NF1: variants seen among roughly 807,000 people sequenced by gnomAD.
NF1 encodes neurofibromin 1.
In NF1, 122 loss-of-function variants were observed where a neutral mutation model predicts 325.7. The observed-to-expected ratio is 0.37, with a 90% CI of 0.32 to 0.44. The LOEUF is 0.44. Among genes scored for constraint, NF1 ranks in the 20% least tolerant of loss-of-function variants. The pLI is 1.00. For missense variants in NF1, 2,140 were observed against 3,415.4 expected (o/e 0.63, Z 9.31); for synonymous variants, 1,091 against 1,186.0 (o/e 0.92, Z 1.65).
chr17:31,331,723 T>A (rs981370855), intron 39 of NF1: 1 of 151,394 alleles, frequency 6.6e-6, no homozygotes, highest in Non-Finnish European at 1.5e-5. Context: ...GTTCTGCCTG[T>A]ATTTAAGAGT....
At chr17:31,235,229 A>G (rs540117898) in intron 27 of NF1, among the ~76,000 whole-genome samples, 6 of 152,278 alleles carry the variant, frequency 3.9e-5, no homozygotes, top group East Asian at 1.9e-4. Flanking sequence ...CTGATCATCA[A>G]TCTTATTTCT....
intron 1 of NF1, among the ~76,000 whole-genome samples, chr17:31,099,000 A>G (rs1473757707): frequency 6.6e-6 from 1 of 151,006 alleles, no homozygotes; most frequent in Non-Finnish European, 1.5e-5. Flanking sequence ...ATTTTGGATT[A>G]TATTATCTGT....
intron 29 of NF1, among the ~76,000 whole-genome samples, chr17:31,245,633 G>T (rs920847706): frequency 2.6e-5 from 4 of 152,102 alleles, no homozygotes; most frequent in African/African-American, 9.7e-5. Flanking sequence ...AAAGGATACA[G>T]ATGAACAGCC....
chr17:31,226,399 A>G (rs745454981), intron 17 of NF1, 36 bp from the exon 18 acceptor site: 1 of 1,607,074 alleles, frequency 6.2e-7, no homozygotes, highest in Non-Finnish European at 8.5e-7. Context: ...AAATTACCCA[A>G]GTTGCAAATA....
At chr17:31,263,125 A>AGATAGAT (rs78971065) in intron 35 of NF1, among the ~76,000 whole-genome samples, 62,677 of 142,780 alleles carry the variant, frequency 0.44, 15,417 homozygotes, top group Middle Eastern at 0.66. Context: ...ATAGATAGAT[A>AGATAGAT]AGATAAGATA....
chr17:31,107,881 T>C (rs1308628927), intron 1 of NF1, among the ~76,000 whole-genome samples: 1 of 152,004 alleles, frequency 6.6e-6, no homozygotes, highest in Non-Finnish European at 1.5e-5. Flanking sequence ...CTCACACCTG[T>C]AATCCCAGCA....
Position 31,358,958 on chromosome 17 carries a change from A to G in NF1, c.8114-11A>G, listed in dbSNP as rs1316433767. 4 of 1,612,490 alleles carry G rather than the reference A, an allele frequency of 2.5e-6. No individual in the cohort carries two copies. ...TTGCTTGTTATAAGAGTAAAATTTGATTTGTTGCAGGTTTTGGTTTTAATG... is the reference window on the plus strand; with the variant it reads ...TTGCTTGTTATAAGAGTAAAATTTGGTTTGTTGCAGGTTTTGGTTTTAATG... On this transcript the variant is annotated splice_polypyrimidine_tract_variant and intron_variant, in intron 55 of 57. Coordinates refer to ENST00000358273, the MANE Select transcript of NF1 (RefSeq NM_001042492.3).
chr17:31,193,818 A>G (rs1404369033), intron 8 of NF1, among the ~76,000 whole-genome samples: 1 of 152,250 alleles, frequency 6.6e-6, no homozygotes, highest in Non-Finnish European at 1.5e-5. Flanking sequence ...AGGGAAATGC[A>G]AATCAAAACC....
At chr17:31,365,485 G>A (rs1319616640) in intron 57 of NF1, among the ~76,000 whole-genome samples, 1 of 152,112 alleles carries the variant, frequency 6.6e-6, no homozygotes, top group African/African-American at 2.4e-5. Flanking sequence ...CCAGAGACTT[G>A]ACGGTTTTTG....
chr17:31,192,401 G>A (rs942348463), intron 8 of NF1, among the ~76,000 whole-genome samples: 1 of 152,138 alleles, frequency 6.6e-6, no homozygotes, highest in Non-Finnish European at 1.5e-5. Context: ...ACTCAAAGTG[G>A]GGGCTTCCAG....
At chr17:31,299,945 A>C (rs1269573268) in intron 36 of NF1, among the ~76,000 whole-genome samples, 1 of 152,038 alleles carries the variant, frequency 6.6e-6, no homozygotes, top group Non-Finnish European at 1.5e-5. Context: ...GTGATTCCTC[A>C]TATCATTGAC....
chr17:31,287,891 T>G (rs2068266673), intron 36 of NF1, among the ~76,000 whole-genome samples: 1 of 123,972 alleles, frequency 8.1e-6, no homozygotes, highest in Non-Finnish European at 1.6e-5. Context: ...TGAGAACACA[T>G]GGACACAGGA....
chr17:31,278,907 G>T (rs978329222), intron 36 of NF1, among the ~76,000 whole-genome samples: 2 of 152,102 alleles, frequency 1.3e-5, no homozygotes, highest in Admixed American at 6.5e-5. Flanking sequence ...GAGCCGCCGC[G>T]CCTGGCCTTC....
intron 17 of NF1, 91 bp downstream of exon 17, chr17:31,225,341 T>C (rs757115006): frequency 1.1e-4 from 161 of 1,425,944 alleles, no homozygotes; most frequent in Non-Finnish European, 1.5e-4. Context: ...GGTAATATAG[T>C]GTAATAGTGA....
intron 16 of NF1, 78 bp from the exon 17 acceptor site, chr17:31,225,017 G>A (rs1035348329): frequency 1.3e-6 from 2 of 1,520,602 alleles, no homozygotes; most frequent in African/African-American, 2.7e-5. Context: ...GTCTCAAACA[G>A]GAAGACAACT....
At chr17:31,196,935 TGTA>T (rs2143854580) in intron 8 of NF1, among the ~76,000 whole-genome samples, 1 of 152,354 alleles carries the variant, frequency 6.6e-6, no homozygotes, top group African/African-American at 2.4e-5. Context: ...ACTGTAGCTT[TGTA>T]GTAAGTTTTC....
intron 1 of NF1, among the ~76,000 whole-genome samples, chr17:31,110,735 T>G (rs1249176717): frequency 6.6e-6 from 1 of 152,034 alleles, no homozygotes; most frequent in African/African-American, 2.4e-5. Flanking sequence ...GATGAAAATT[T>G]TCATAGAGAA....
intron 1 of NF1, among the ~76,000 whole-genome samples, chr17:31,100,662 T>C (rs1371539509): frequency 6.6e-6 from 1 of 152,096 alleles, no homozygotes; most frequent in Non-Finnish European, 1.5e-5. Context: ...GTCTGCCTCC[T>C]GGGTTCAAGC....
intron 30 of NF1, chr17:31,250,005 A>G: frequency 2.0e-6 from 1 of 496,600 alleles, no homozygotes; most frequent in Non-Finnish European, 4.0e-6. Flanking sequence ...TTGCTTAGAG[A>G]CGTTAACAGC....
Sources: gnomAD v4.1 joint callset for allele counts (sites outside exome capture counted in the v4.1 genomes callset) on GRCh38, gnomAD v4.1.1 for gene constraint, MANE v1.5 for transcripts, NCBI Gene and HGNC (gene_info 2026-07-23, HGNC 2026-07-21) for gene names.